The following ATAD1 variants were observed in gnomAD, a reference collection of about 807,000 sequenced individuals.
The protein encoded by ATAD1 is outer mitochondrial transmembrane helix translocase.
In ATAD1, 18 loss-of-function variants were observed where a neutral mutation model predicts 42.7. The ratio of observed to expected loss-of-function variants is 0.42; its 90% CI spans 0.29 to 0.63. The LOEUF (loss-of-function observed/expected upper bound fraction) is 0.63. ATAD1 is among the 20% of genes least tolerant of loss of function. The pLI is 0.19. For synonymous variants in ATAD1, 132 were observed against 143.1 expected (o/e 0.92, Z 0.55); for missense variants, 294 against 440.4 (o/e 0.67, Z 2.98).
chr10:87,763,213 C>T (rs544206040), intron 8 of ATAD1, among the ~76,000 whole-genome samples: 5 of 151,152 alleles, frequency 3.3e-5, no homozygotes, highest in East Asian at 2.0e-4. Context: ...CATGTACATA[C>T]GTAGCTTTCT....
rs984249950 is a variant in ATAD1 at position 87,832,653 on chromosome 10, A to T, written c.-14+8534T>A. 4.7e-4 allele frequency among the ~76,000 whole-genome samples: 72 copies of T among 152,174 alleles called. 1 individual carries two copies. The Middle Eastern group carries it at 0.01, about 22-fold the overall frequency. On this transcript the variant is annotated intron_variant, in intron 1 of 4. Coordinates refer to the ATAD1 transcript ENST00000495903. ...TAAACTTGCTATATTTAAAAATTTT[A>T]AATCATAATTTATATAAAATTTAAA...
At chr10:87,812,763 A>AT (rs1187618446) in intron 2 of ATAD1, among the ~76,000 whole-genome samples, 1 of 152,288 alleles carries the variant, frequency 6.6e-6, no homozygotes, top group East Asian at 1.9e-4. Flanking sequence ...AATGCTGTGT[A>AT]TTTTTTATCA....
At chr10:87,776,289 A>G in intron 6 of ATAD1, 32 bp downstream of exon 6, 1 of 1,542,776 alleles carries the variant, frequency 6.5e-7, no homozygotes, top group Non-Finnish European at 8.9e-7. Context: ...AAAAAAACCA[A>G]CACAAGTTGA....
rs1276505917 is a variant in ATAD1 at position 87,758,715 on chromosome 10, A to G, written c.832-1793T>C. On this transcript the variant is annotated intron_variant, in intron 8 of 9. Coordinates refer to ENST00000680024, the MANE Select transcript of ATAD1 (RefSeq NM_001321967.2). Reference sequence around the variant, plus strand: ...TCTAGTTACATCAGATTTTTACTCAAAATGCATAATTGAGAAGTCATTATA... The same window carrying G: ...TCTAGTTACATCAGATTTTTACTCAGAATGCATAATTGAGAAGTCATTATA... Among the ~76,000 whole-genome samples the G allele has an allele frequency of 2.0e-5, 3 of 152,200 alleles. No individual in the cohort carries two copies. The East Asian group carries it at 5.8e-4, about 29-fold the overall frequency.
chr10:87,802,252 G>A (rs1856733671), intron 2 of ATAD1, among the ~76,000 whole-genome samples: 1 of 152,110 alleles, frequency 6.6e-6, no homozygotes, highest in South Asian at 2.1e-4. Context: ...TTGACTTACA[G>A]AGCCAATGAA....
At chr10:87,841,106 G>C (rs887099310) in intron 1 of ATAD1, 11 of 151,918 alleles carry the variant, frequency 7.2e-5, no homozygotes, top group African/African-American at 2.4e-4. Flanking sequence ...TTCCACTGTA[G>C]TGAAAGCTAA....
intron 7 of ATAD1, 133 bp from the exon 8 acceptor site, chr10:87,767,856 A>C (rs1854836641): frequency 3.9e-6 from 3 of 768,690 alleles, no homozygotes; most frequent in Non-Finnish European, 6.2e-6. Context: ...AACTTTGAAG[A>C]GGTCAAAGCA....
chr10:87,801,780 T>C (rs1589535934), intron 2 of ATAD1, among the ~76,000 whole-genome samples: 1 of 152,306 alleles, frequency 6.6e-6, no homozygotes, highest in South Asian at 2.1e-4. Context: ...TAACAGGTGC[T>C]CTTGAATGAA....
At chr10:87,829,216 G>A (rs1356445920) in intron 1 of ATAD1, among the ~76,000 whole-genome samples, 2 of 148,002 alleles carry the variant, frequency 1.4e-5, no homozygotes, top group African/African-American at 5.0e-5. Flanking sequence ...ACTTCTGGAG[G>A]GATTCATTAT....
At chr10:87,833,885 C>T (rs772107800) in intron 1 of ATAD1, among the ~76,000 whole-genome samples, 20 of 151,886 alleles carry the variant, frequency 1.3e-4, no homozygotes, top group African/African-American at 1.9e-4. Context: ...CCACCACACC[C>T]GGCTAATTTT....
intron 8 of ATAD1, among the ~76,000 whole-genome samples, chr10:87,763,495 CAAG>C (rs578015794): frequency 9.9e-5 from 15 of 152,138 alleles, no homozygotes; most frequent in Non-Finnish European, 2.1e-4. Flanking sequence ...CCTTTCTCTA[CAAG>C]AAGATTTTTA....
intron 6 of ATAD1, among the ~76,000 whole-genome samples, chr10:87,776,079 T>C (rs992362807): frequency 1.3e-5 from 2 of 152,192 alleles, no homozygotes; most frequent in Non-Finnish European, 2.9e-5. Flanking sequence ...ACTCTGGTGT[T>C]TTCTCTTCTG....
At chr10:87,760,462 C>A (rs1179345583) in intron 8 of ATAD1, among the ~76,000 whole-genome samples, 1 of 152,188 alleles carries the variant, frequency 6.6e-6, no homozygotes. Context: ...CCCAGCCATG[C>A]TTCCTGTACA....
At chr10:87,809,713 A>G (rs746256252) in intron 2 of ATAD1, among the ~76,000 whole-genome samples, 4 of 151,490 alleles carry the variant, frequency 2.6e-5, no homozygotes, top group Non-Finnish European at 5.9e-5. Context: ...CTGGAGTGCA[A>G]TGGCGCAATC....
upstream of ATAD1, among the ~76,000 whole-genome samples, chr10:87,822,807 C>G (rs1176789857): frequency 6.6e-6 from 1 of 151,696 alleles, no homozygotes; most frequent in African/African-American, 2.4e-5. Flanking sequence ...ATGTCTGTAA[C>G]AAAGAAATGA....
Position 87,803,515 on chromosome 10 carries a change from T to C in ATAD1, c.163-10760A>G, listed in dbSNP as rs551358334. ...GAGGCTAATCAGAAACTCAAAAGAA[T>C]GCAACCATTGGTCTCTTATCTACTT... On this transcript the variant is annotated intron_variant, in intron 2 of 9. Coordinates refer to ENST00000680024, the MANE Select transcript of ATAD1 (RefSeq NM_001321967.2). Among the ~76,000 whole-genome samples the C allele has an allele frequency of 1.6e-3, 237 of 152,350 alleles. 1 individual carries two copies. Among genetic ancestry groups the C allele is most frequent in the African/African-American group, 5.4e-3 (225 of 41,594 alleles).
intron 5 of ATAD1, 102 bp from the exon 6 acceptor site, chr10:87,776,529 C>A: frequency 1.2e-6 from 1 of 864,116 alleles, no homozygotes; most frequent in Non-Finnish European, 1.8e-6. Context: ...GGTGCAATGG[C>A]GCAATTACAG....
At chr10:87,774,822 G>A (rs985775247) in intron 6 of ATAD1, among the ~76,000 whole-genome samples, 9 of 151,972 alleles carry the variant, frequency 5.9e-5, no homozygotes, top group East Asian at 1.9e-4. Context: ...GTGTGGTGGC[G>A]TGCACCTGTA....
chr10:87,808,726 T>A (rs1009190976), intron 2 of ATAD1, among the ~76,000 whole-genome samples: 2 of 152,346 alleles, frequency 1.3e-5, no homozygotes, highest in South Asian at 4.1e-4. Flanking sequence ...TGATTTCCCA[T>A]CCCTTAAATG....
Sources: gnomAD v4.1 joint callset for allele counts (sites outside exome capture counted in the v4.1 genomes callset) on GRCh38, gnomAD v4.1.1 for gene constraint, MANE v1.5 for transcripts, NCBI Gene and HGNC (gene_info 2026-07-23, HGNC 2026-07-21) for gene names.